ZZEF1: variants seen among roughly 807,000 people sequenced by gnomAD.
ZZEF1 encodes the protein zinc finger ZZ-type and EF-hand domain-containing protein 1.
Under a neutral mutation model 342.8 loss-of-function variants are expected in ZZEF1, and 157 were observed. That is an observed-to-expected ratio of 0.46 (90% CI 0.40 to 0.52). ZZEF1 has a LOEUF of 0.52. Among genes scored for constraint, ZZEF1 ranks in the 20% least tolerant of loss-of-function variants. ZZEF1 has a pLI of 0.00. For synonymous variants in ZZEF1, 1,505 were observed against 1,429.1 expected (o/e 1.05, Z -1.20); for missense variants, 3,480 against 3,725.6 (o/e 0.93, Z 1.72).
intron 1 of ZZEF1, among the ~76,000 whole-genome samples, chr17:4,139,280 AC>A (rs2058803510): frequency 6.6e-6 from 1 of 152,160 alleles, no homozygotes; most frequent in Admixed American, 6.6e-5. Context: ...TGAAAGCAAG[AC>A]AGCTGCGTGG....
At chr17:4,062,114 C>G (rs868428916) in intron 30 of ZZEF1, among the ~76,000 whole-genome samples, 5 of 152,072 alleles carry the variant, frequency 3.3e-5, no homozygotes, top group Non-Finnish European at 7.4e-5. Context: ...CTAACTCCCC[C>G]CCTGGAGCCT....
Position 4,056,206 on chromosome 17 carries a change from G to A in ZZEF1, c.5295+10C>T. 2 of 1,570,792 alleles carry A rather than the reference G, an allele frequency of 1.3e-6. No homozygotes were observed. The highest frequency in any genetic ancestry group is 1.7e-6 in the Non-Finnish European group (2 of 1,158,536). ...AATCACTTCAGAGTACTCTAGTTGA[G>A]AGGTCTTACTTTCCTCTGCTTCTCT... On this transcript the variant is annotated intron_variant, in intron 33 of 54. Transcript: ENST00000381638.
rs2055761966 is a variant in ZZEF1 at position 4,004,460 on chromosome 17, A to T, written c.*2430T>A. The stretch of plus-strand genomic sequence containing the variant: ...CACACAGGCGTACCTTATTATATAG[A>T]ATTTGTACAATATATTTCTTTTCGT... On this transcript the variant is annotated 3_prime_UTR_variant, in exon 55 of 55. Transcript: ENST00000381638. 6.6e-6 allele frequency: 1 copy of T among 152,252 alleles called. No individual in the cohort carries two copies. Among genetic ancestry groups the T allele is most frequent in the African/African-American group, 2.4e-5 (1 of 41,440 alleles). 9.4% of individuals were successfully genotyped at this position (152,252 alleles called of 1,614,324 possible).
intron 1 of ZZEF1, among the ~76,000 whole-genome samples, chr17:4,132,455 T>G (rs138501827): frequency 6.6e-6 from 1 of 152,068 alleles, no homozygotes; most frequent in Non-Finnish European, 1.5e-5. Context: ...TCCCAGCACT[T>G]TGGGAGGTCA....
intron 52 of ZZEF1, among the ~76,000 whole-genome samples, chr17:4,010,724 C>CAAAAAAAAAAAAAAAAAA (rs58349682): frequency 2.3e-5 from 2 of 85,266 alleles, no homozygotes; most frequent in Admixed American, 1.5e-4. Context: ...GATTCCGTCT[C>CAAAAAAAAAAAAAAAAAA]AAAAAAAAAA....
At chr17:4,007,379 C>T (rs1037467277) in intron 54 of ZZEF1, among the ~76,000 whole-genome samples, 50 of 152,226 alleles carry the variant, frequency 3.3e-4, no homozygotes, top group Non-Finnish European at 1.0e-4. Context: ...GAGGCGAGGC[C>T]AGGCCCGTCA....
chr17:4,012,125 G>A (rs2055977691), intron 52 of ZZEF1, among the ~76,000 whole-genome samples: 1 of 152,222 alleles, frequency 6.6e-6, no homozygotes, highest in African/African-American at 2.4e-5. Context: ...CCTGCTGCAG[G>A]CAAGAAGGGC....
Position 4,074,313 on chromosome 17 carries a change from G to C in ZZEF1, c.3522C>G (p.Leu1174=). The C allele has an allele frequency of 6.2e-7, 1 of 1,614,176 alleles. No homozygotes were observed. Among genetic ancestry groups the C allele is most frequent in the Non-Finnish European group, 8.5e-7 (1 of 1,180,050 alleles). The change falls in exon 24 of 55, where the codon CTC becomes CTG. Residue 1174 remains leucine (L), a synonymous_variant. Coordinates refer to ENST00000381638, the MANE Select transcript of ZZEF1 (RefSeq NM_015113.4). ...CGTTGTGACTGCTGTCAGAGTGAAA[G>C]AGGAACTGCAACCGAGGACCGGCCT... ...TFKAGPRLQF[L]FHSDSSHNEW... is the part of the protein sequence containing the mutation.
At chr17:4,122,802 T>C (rs1314735508) in intron 2 of ZZEF1, among the ~76,000 whole-genome samples, 3 of 152,180 alleles carry the variant, frequency 2.0e-5, no homozygotes, top group African/African-American at 2.4e-5. Context: ...TAGGTGAGTA[T>C]GGTACAGATA....
At position 4,057,903 on chromosome 17, in the gene ZZEF1, CT is replaced by C. The variant is rs1451423880; in HGVS notation, c.5165+90del. On this transcript the variant is annotated intron_variant, in intron 32 of 54. Coordinates refer to ENST00000381638, the MANE Select transcript of ZZEF1 (RefSeq NM_015113.4). ...CCAAGATATGACACAGACAGTCTAG[CT>C]CCGGAGTCTGTGCTCTTAACGCCCC... 5.2e-6 allele frequency: 7 copies of C among 1,337,684 alleles called. No homozygotes were observed. In the South Asian group the frequency reaches 9.5e-5, roughly 18 times the overall value. 82.9% of individuals were successfully genotyped at this position (1,337,684 alleles called of 1,614,324 possible).
At chr17:4,122,327 G>A (rs763723135) in intron 2 of ZZEF1, among the ~76,000 whole-genome samples, 4 of 151,270 alleles carry the variant, frequency 2.6e-5, no homozygotes, top group Admixed American at 6.6e-5. Context: ...CTGTCTTTAC[G>A]TGTAAGTCTG....
chr17:4,006,763 T>C lies in ZZEF1; in HGVS notation c.*127A>G. ...TTGGAGACGTGGCTGCTTGGCATCC[T>C]AACTGGAGTGGTCAGCTCAAGGAGA... On this transcript the variant is annotated 3_prime_UTR_variant, in exon 55 of 55. Coordinates refer to ENST00000381638, the MANE Select transcript of ZZEF1 (RefSeq NM_015113.4). 1 of 988,948 alleles carries C rather than the reference T, an allele frequency of 1.0e-6. No individual in the cohort carries two copies. The highest frequency in any genetic ancestry group is 1.6e-6 in the Non-Finnish European group (1 of 638,894). The allele number at this position is 988,948 out of a possible 1,614,324, so 61.3% of individuals were successfully genotyped here. A position where few individuals can be genotyped will look rare whatever the true frequency, so the allele number is the denominator to read the frequency against.
intron 1 of ZZEF1, among the ~76,000 whole-genome samples, chr17:4,127,863 C>T (rs1054467097): frequency 6.6e-5 from 10 of 152,176 alleles, no homozygotes; most frequent in African/African-American, 2.2e-4. Flanking sequence ...ACTCAGGGAA[C>T]GCACCTATAG....
At chr17:4,114,581 CA>C (rs1449202649) in intron 3 of ZZEF1, 111 bp from the exon 4 acceptor site, 1 of 895,606 alleles carries the variant, frequency 1.1e-6, no homozygotes, top group Admixed American at 3.2e-5. Context: ...CCTAGAAACA[CA>C]AATCTTCCTT....
rs558336867 is a variant in ZZEF1, at chr17:4,034,331, C to A, written c.6307-39G>T. 3.4e-5 allele frequency: 54 copies of A among 1,603,864 alleles called. No individual in the cohort carries two copies. The South Asian group carries it at 5.5e-4, about 16-fold the overall frequency. On this transcript the variant is annotated intron_variant, in intron 39 of 54. Transcript: ENST00000381638. ...GAGAGAAATCTGTTCAGTACAAAAT[C>A]CACATAACCAAACTTGCTAAATATT...
intron 29 of ZZEF1, 37 bp from the exon 30 acceptor site, chr17:4,062,954 C>T: frequency 6.3e-7 from 1 of 1,577,460 alleles, no homozygotes; most frequent in Non-Finnish European, 8.6e-7. Context: ...ACCCAGAAAA[C>T]TCTTGAGCTG....
intron 37 of ZZEF1, among the ~76,000 whole-genome samples, chr17:4,046,435 C>T (rs1220358589): frequency 6.6e-6 from 1 of 152,178 alleles, no homozygotes; most frequent in Non-Finnish European, 1.5e-5. Flanking sequence ...TGGAGGCACC[C>T]CAGCTTCAGG....
chr17:4,032,220 A>G lies in ZZEF1; in HGVS notation c.6798T>C (p.Asn2266=). ...TGATCACATTATGGGGTTCATTGGC[A>G]TTATCCATATAAACGCAGCGGGTTC... ...CVGTRCVYMD[N]ANEPHNVIIL... The change falls in exon 42 of 55, where the codon AAT becomes AAC. Residue 2266 remains asparagine, a synonymous_variant. Coordinates refer to ENST00000381638, the MANE Select transcript of ZZEF1 (RefSeq NM_015113.4). 6.2e-7 allele frequency: 1 copy of G among 1,614,022 alleles called. No individual in the cohort carries two copies. Among genetic ancestry groups the G allele is most frequent in the South Asian group, 1.1e-5 (1 of 91,054 alleles).
At chr17:4,086,799 G>A (rs549268264) in intron 14 of ZZEF1, 144 bp from the exon 15 acceptor site, 20 of 735,596 alleles carry the variant, frequency 2.7e-5, no homozygotes, top group African/African-American at 2.4e-4. Context: ...AGAGGAAGAA[G>A]GGTGGACCAG....
Sources: allele counts gnomAD v4.1 joint callset (sites outside exome capture counted in the v4.1 genomes callset), GRCh38; gene constraint gnomAD v4.1.1; transcripts MANE v1.5; gene names NCBI Gene and HGNC (gene_info 2026-07-23, HGNC 2026-07-21).